UGT1A7: variants seen among roughly 807,000 people sequenced by gnomAD.
UGT1A7 encodes the protein UDP-glucuronosyltransferase 1A7.
UGT1A7 carries 33 observed loss-of-function variants against 45.6 expected under a neutral mutation model. The ratio of observed to expected loss-of-function variants is 0.72; its 90% CI spans 0.55 to 0.97. UGT1A7 has a LOEUF of 0.97. Among genes scored for constraint, UGT1A7 ranks in the 50% least tolerant of loss-of-function variants. The pLI is 0.00. For synonymous variants in UGT1A7, 274 were observed against 250.6 expected (o/e 1.09, Z -0.88); for missense variants, 684 against 666.2 (o/e 1.03, Z -0.29).
At chr2:233,691,665 G>C (rs1350130667) in intron 1 of UGT1A7, 10 of 981,466 alleles carry the variant, frequency 1.0e-5, no homozygotes, top group African/African-American at 1.8e-5. Flanking sequence ...CCCTTTCTGG[G>C]CCTCAGTTGA....
In UGT1A7 at chr2:233,767,833, T is replaced by C; in HGVS notation, c.988-16T>C. On this transcript the variant is annotated splice_polypyrimidine_tract_variant and intron_variant, in intron 2 of 4. Transcript: ENST00000373426. ...TATGTTCTTTCTTTACGTTCTGCTC[T>C]TTTTGCCCCTCCCAGGTCCTGTGGC... 2 of 1,614,174 alleles carry C rather than the reference T, an allele frequency of 1.2e-6. No homozygotes were observed. Among genetic ancestry groups the C allele is most frequent in the Non-Finnish European group, 1.7e-6 (2 of 1,180,036 alleles).
chr2:233,756,708 CT>C (rs1473385409), intron 1 of UGT1A7, among the ~76,000 whole-genome samples: 11 of 152,108 alleles, frequency 7.2e-5, no homozygotes, highest in Non-Finnish European at 1.6e-4. Context: ...TTTGGGGGGA[CT>C]TTTTTTGAGA....
intron 1 of UGT1A7, chr2:233,743,397 A>G (rs1186431371): frequency 1.6e-6 from 2 of 1,281,698 alleles, no homozygotes; most frequent in Non-Finnish European, 2.1e-6. Context: ...TGCAGAAGGA[A>G]GAAAGGCCCC....
At chr2:233,753,198 T>C (rs1454956854) in intron 1 of UGT1A7, 2 of 152,228 alleles carry the variant, frequency 1.3e-5, no homozygotes. Flanking sequence ...TCAAAAGCCC[T>C]GACAGTCTGT....
chr2:233,747,643 C>T (rs1693738898), intron 1 of UGT1A7: 1 of 1,585,416 alleles, frequency 6.3e-7, no homozygotes, highest in East Asian at 2.2e-5. Context: ...CTGAATGCTA[C>T]TTCCTTCGAT....
rs34036745 is a variant in UGT1A7, at chr2:233,769,465, G to T, written c.1295+1026G>T. On this transcript the variant is annotated intron_variant, in intron 4 of 4. Transcript: ENST00000373426. The surrounding 1 kb of genome is among the most constrained non-coding windows in gnomAD (Gnocchi z 4.4). Reference sequence around the variant, plus strand: ...GGTGCACACGTGTGCATTCATATGCGTGTGTGTGTGTGTGCGTGTGTTTAT... The same window carrying T: ...GGTGCACACGTGTGCATTCATATGCTTGTGTGTGTGTGTGCGTGTGTTTAT... 1.5e-6 allele frequency: 2 copies of T among 1,316,538 alleles called. No homozygotes were observed. Among genetic ancestry groups the T allele is most frequent in the Non-Finnish European group, 2.1e-6 (2 of 963,564 alleles). 81.6% of individuals were successfully genotyped at this position (1,316,538 alleles called of 1,614,324 possible).
At chr2:233,753,869 G>A (rs1051497204) in intron 1 of UGT1A7, among the ~76,000 whole-genome samples, 1 of 152,142 alleles carries the variant, frequency 6.6e-6, no homozygotes, top group African/African-American at 2.4e-5. Context: ...TAACCCCAAG[G>A]TCTGTCCTCA....
intron 1 of UGT1A7, among the ~76,000 whole-genome samples, chr2:233,744,652 A>G (rs754395729): frequency 1.6e-4 from 24 of 151,892 alleles, no homozygotes; most frequent in Non-Finnish European, 2.8e-4. Flanking sequence ...TCTGTATTCA[A>G]TCTACTGTGA....
intron 1 of UGT1A7, chr2:233,760,489 A>C (rs756552149): frequency 6.2e-7 from 1 of 1,614,268 alleles, no homozygotes; most frequent in East Asian, 2.2e-5. Context: ...CTCGTTGTAC[A>C]TCAGAGACGG....
intron 1 of UGT1A7, chr2:233,760,695 C>T: frequency 1.9e-6 from 3 of 1,614,208 alleles, no homozygotes; most frequent in Non-Finnish European, 2.5e-6. Context: ...ACAAGGAGCT[C>T]ATGGCCTCCC....
At chr2:233,754,206 T>C (rs1220915682) in intron 1 of UGT1A7, 1 of 163,280 alleles carries the variant, frequency 6.1e-6, no homozygotes, top group Admixed American at 5.7e-5. Context: ...AACATTGAAG[T>C]CAAATGATTT....
At chr2:233,770,225 G>C (rs747501170) in intron 4 of UGT1A7, 1 of 152,132 alleles carries the variant, frequency 6.6e-6, no homozygotes, top group Admixed American at 6.5e-5. Flanking sequence ...CTGTCTGATT[G>C]TGAATCTCCA....
intron 1 of UGT1A7, among the ~76,000 whole-genome samples, chr2:233,740,264 G>A (rs540642726): frequency 1.3e-5 from 2 of 151,992 alleles, no homozygotes; most frequent in Admixed American, 6.5e-5. Flanking sequence ...GATTGGTGGT[G>A]ATTGAAGTTA....
At chr2:233,739,468 AC>A (rs1365690931) in intron 1 of UGT1A7, among the ~76,000 whole-genome samples, 1 of 152,200 alleles carries the variant, frequency 6.6e-6, no homozygotes, top group Non-Finnish European at 1.5e-5. Flanking sequence ...GCTGCCTGAG[AC>A]CGTGGGAGCC....
Position 233,769,646 on chromosome 2 carries a change from C to T in UGT1A7, c.1295+1207C>T, listed in dbSNP as rs1053692486. 2 of 1,608,424 alleles carry T rather than the reference C, an allele frequency of 1.2e-6. No individual in the cohort carries two copies. Among genetic ancestry groups the T allele is most frequent in the Non-Finnish European group, 1.7e-6 (2 of 1,177,716 alleles). On this transcript the variant is annotated intron_variant, in intron 4 of 4. Transcript: ENST00000373426. The surrounding 1 kb of genome is among the most constrained non-coding windows in gnomAD (Gnocchi z 4.4). ...AGGGACAACAGGGGAGGACTGATGA[C>T]TGACTTCCCACCTTTGAGGTGCTAA...
chr2:233,702,024 A>C (rs962229706), intron 1 of UGT1A7, among the ~76,000 whole-genome samples: 4 of 152,074 alleles, frequency 2.6e-5, no homozygotes, highest in East Asian at 1.9e-4. Flanking sequence ...TAGAGACACA[A>C]AAAAAAACCC....
At chr2:233,715,775 A>G (rs2076469158) in intron 1 of UGT1A7, among the ~76,000 whole-genome samples, 1 of 152,186 alleles carries the variant, frequency 6.6e-6, no homozygotes, top group South Asian at 2.1e-4. Flanking sequence ...CCATCTCAAA[A>G]AAATAAAAAT....
Position 233,682,391 on chromosome 2 carries a change from G to A in UGT1A7, c.454G>A (p.Ala152Thr), listed in dbSNP as rs767701410. ...TGCAGTGTTTCTCGATCCTTTTGAT[G>A]CCTGTGGCTTAATTGTTGCCAAATA... ...FDAVFLDPFD[A>T]CGLIVAKYFS... is the part of the protein sequence containing the mutation. The change falls in exon 1 of 5, where the codon GCC (alanine) becomes ACC (threonine). Residue 152 changes from alanine (A) to threonine (T), a missense_variant. Transcript: ENST00000373426. 9 of 1,613,738 alleles carry A rather than the reference G, an allele frequency of 5.6e-6. No individual in the cohort carries two copies. Among genetic ancestry groups the A allele is most frequent in the African/African-American group, 2.7e-5 (2 of 74,856 alleles).
chr2:233,754,914 A>T, intron 1 of UGT1A7: 1 of 1,353,596 alleles, frequency 7.4e-7, no homozygotes. Flanking sequence ...AATATTCTCC[A>T]GCGGGTTTCC....
Sources: allele counts gnomAD v4.1 joint callset (sites outside exome capture counted in the v4.1 genomes callset), GRCh38; gene constraint gnomAD v4.1.1; non-coding constraint Gnocchi (gnomAD v3.1); transcripts MANE v1.5; gene names NCBI Gene and HGNC (gene_info 2026-07-23, HGNC 2026-07-21).